The following DLGAP2 variants were observed in gnomAD, a reference collection of about 807,000 sequenced individuals.
DLGAP2 encodes the protein DLG associated protein 2.
In DLGAP2, 26 loss-of-function variants were observed where a neutral mutation model predicts 100.3. That is an observed-to-expected ratio of 0.26 (90% CI 0.19 to 0.36). The LOEUF (loss-of-function observed/expected upper bound fraction) is 0.36. Among genes scored for constraint, DLGAP2 ranks in the 10% least tolerant of loss-of-function variants. DLGAP2 has a pLI of 1.00. For synonymous variants in DLGAP2, 886 were observed against 630.1 expected, an observed-to-expected ratio of 1.41 and a Z score of -6.08; for missense variants, 1,858 against 1,453.2, an observed-to-expected ratio of 1.28 and a Z score of -4.53.
intron 3 of DLGAP2, among the ~76,000 whole-genome samples, chr8:1,283,261 GCC>G (rs1301351257): frequency 1.6e-5 from 2 of 125,568 alleles, no homozygotes; most frequent in Non-Finnish European, 3.3e-5. Context: ...TGAACCCAGC[GCC>G]CTGAACCATC....
intron 3 of DLGAP2, among the ~76,000 whole-genome samples, chr8:1,389,797 G>A (rs1053480809): frequency 6.6e-5 from 10 of 152,052 alleles, no homozygotes; most frequent in Admixed American, 1.3e-4. Context: ...GACCCAGAGC[G>A]AGCCTTCCCT....
chr8:1,454,202 C>G (rs529750340), intron 3 of DLGAP2, among the ~76,000 whole-genome samples: 25 of 152,204 alleles, frequency 1.6e-4, no homozygotes, highest in African/African-American at 6.0e-4. Context: ...GTGACAAGCA[C>G]GTCCACAGCC....
intron 10 of DLGAP2, among the ~76,000 whole-genome samples, chr8:1,673,051 T>C (rs1018718734): frequency 2.0e-5 from 3 of 152,234 alleles, no homozygotes; most frequent in Non-Finnish European, 4.4e-5. Context: ...TGGGACTGCA[T>C]GGGAGGTGGG....
chr8:1,225,435 T>G lies in DLGAP2; in HGVS notation c.74-33416T>G, dbSNP rs533953144. On this transcript the variant is annotated intron_variant, in intron 2 of 14. Transcript: ENST00000637795. ...GCCAGCGGCAGAACAGAGAGGAGAA[T>G]GGGGAACGGTCACTTACTAGGGTGG... Among the ~76,000 whole-genome samples, 10 of 152,192 alleles carry G rather than the reference T, an allele frequency of 6.6e-5. No individual in the cohort carries two copies. The South Asian group carries it at 1.9e-3, about 28-fold the overall frequency.
chr8:1,166,560 G>T (rs1449463869), intron 2 of DLGAP2, among the ~76,000 whole-genome samples: 3 of 152,134 alleles, frequency 2.0e-5, no homozygotes, highest in Admixed American at 6.5e-5. Flanking sequence ...GAACATTCAT[G>T]AGAAATATCC....
At chr8:1,025,195 GC>G (rs1247297121) in intron 2 of DLGAP2, among the ~76,000 whole-genome samples, 1 of 152,100 alleles carries the variant, frequency 6.6e-6, no homozygotes, top group Non-Finnish European at 1.5e-5. Flanking sequence ...TGTTTGGGTT[GC>G]CCTAGAACAT....
intron 3 of DLGAP2, 54 bp from the exon 4 acceptor site, chr8:1,501,312 C>G: frequency 2.0e-6 from 3 of 1,517,948 alleles, no homozygotes; most frequent in Non-Finnish European, 2.7e-6. Context: ...CAGGGAATGA[C>G]TGCAGTCTAC....
At chr8:772,833 G>A (rs903556740) in intron 1 of DLGAP2, among the ~76,000 whole-genome samples, 2 of 152,160 alleles carry the variant, frequency 1.3e-5, no homozygotes, top group Non-Finnish European at 2.9e-5. Flanking sequence ...CACTTCTTCC[G>A]CTGAACGGTG....
intron 2 of DLGAP2, among the ~76,000 whole-genome samples, chr8:1,050,431 C>T (rs994655061): frequency 1.3e-5 from 2 of 152,146 alleles, no homozygotes; most frequent in Admixed American, 6.5e-5. Context: ...TAAGCTGATG[C>T]GTGTGTTCTG....
intron 3 of DLGAP2, among the ~76,000 whole-genome samples, chr8:1,345,267 G>C (rs55966637): frequency 1.6e-5 from 1 of 62,790 alleles, no homozygotes; most frequent in Admixed American, 1.8e-4. Context: ...TGTGCGGTCT[G>C]TTTCTCTGCT....
intron 2 of DLGAP2, among the ~76,000 whole-genome samples, chr8:951,672 C>G (rs1294330120): frequency 6.6e-6 from 1 of 152,206 alleles, no homozygotes; most frequent in African/African-American, 2.4e-5. Flanking sequence ...TACTGCGTGG[C>G]ATGCTGTGCT....
At chr8:1,411,225 T>C (rs1385669823) in intron 3 of DLGAP2, among the ~76,000 whole-genome samples, 4 of 152,034 alleles carry the variant, frequency 2.6e-5, no homozygotes, top group African/African-American at 9.7e-5. Context: ...TGAAAATGAA[T>C]GTTTATATAT....
chr8:1,640,789 T>A (rs1373588856), intron 8 of DLGAP2, among the ~76,000 whole-genome samples: 1 of 152,116 alleles, frequency 6.6e-6, no homozygotes, highest in African/African-American at 2.4e-5. Flanking sequence ...GCATCTAGAC[T>A]TGTGTTTTAC....
At chr8:1,659,786 C>A (rs1214937847) in intron 8 of DLGAP2, among the ~76,000 whole-genome samples, 1 of 152,160 alleles carries the variant, frequency 6.6e-6, no homozygotes, top group Non-Finnish European at 1.5e-5. Flanking sequence ...TGGGTCTTGA[C>A]TCTTTATCCA....
intron 2 of DLGAP2, among the ~76,000 whole-genome samples, chr8:1,225,048 C>G (rs1187949094): frequency 6.6e-6 from 1 of 152,194 alleles, no homozygotes; most frequent in Non-Finnish European, 1.5e-5. Flanking sequence ...TCACTATCCA[C>G]AAAAACTTAA....
chr8:811,692 A>G (rs1042619566), intron 1 of DLGAP2, among the ~76,000 whole-genome samples: 3 of 147,444 alleles, frequency 2.0e-5, no homozygotes, highest in Non-Finnish European at 4.5e-5. Context: ...GTGAGAGGCC[A>G]CCAGCTTTCG....
At chr8:761,899 G>T (rs571294972) in intron 1 of DLGAP2, among the ~76,000 whole-genome samples, 1 of 152,330 alleles carries the variant, frequency 6.6e-6, no homozygotes, top group Admixed American at 6.5e-5. Flanking sequence ...CCTCAAGACT[G>T]AGAAAGTGAA....
chr8:962,471 G>A (rs1474948515), intron 2 of DLGAP2, among the ~76,000 whole-genome samples: 1 of 152,200 alleles, frequency 6.6e-6, no homozygotes, highest in Non-Finnish European at 1.5e-5. Context: ...CACTGTGGCC[G>A]TGGGGCGCTG....
intron 2 of DLGAP2, among the ~76,000 whole-genome samples, chr8:998,187 C>A (rs778908598): frequency 6.6e-6 from 1 of 152,232 alleles, no homozygotes; most frequent in Non-Finnish European, 1.5e-5. Flanking sequence ...AATGTGCATG[C>A]ACACATAAAT....
Sources: gnomAD v4.1 joint callset for allele counts (sites outside exome capture counted in the v4.1 genomes callset) on GRCh38, gnomAD v4.1.1 for gene constraint, MANE v1.5 for transcripts, NCBI Gene and HGNC (gene_info 2026-07-23, HGNC 2026-07-21) for gene names.